The following DTNB variants were observed in gnomAD, a reference collection of about 807,000 sequenced individuals.
DTNB encodes the protein DTN-B.
In DTNB, 63 loss-of-function variants were observed where a neutral mutation model predicts 90.7. The ratio of observed to expected loss-of-function variants is 0.69; its 90% CI spans 0.57 to 0.86. The LOEUF is 0.86. Among genes scored for constraint, DTNB ranks in the 40% least tolerant of loss-of-function variants. The probability of loss-of-function intolerance (pLI) is 0.00; values close to 1 mark genes in which losing one functional copy is unlikely to be tolerated. For missense variants in DTNB, 744 were observed against 807.1 expected (o/e 0.92, Z 0.95); for synonymous variants, 277 against 286.7 (o/e 0.97, Z 0.34).
intron 9 of DTNB, among the ~76,000 whole-genome samples, chr2:25,503,908 C>G (rs1266174140): frequency 4.0e-5 from 6 of 150,658 alleles, no homozygotes; most frequent in African/African-American, 9.8e-5. Context: ...CACAGCAAGA[C>G]TCTGTCTCAA....
intron 8 of DTNB, among the ~76,000 whole-genome samples, chr2:25,540,281 G>A (rs1007738397): frequency 2.0e-5 from 3 of 152,052 alleles, no homozygotes; most frequent in Admixed American, 2.0e-4. Context: ...CCATAACTGC[G>A]TTCATTTCCC....
At chr2:25,576,113 T>C (rs1299862184) in intron 8 of DTNB, among the ~76,000 whole-genome samples, 1 of 152,184 alleles carries the variant, frequency 6.6e-6, no homozygotes, top group Non-Finnish European at 1.5e-5. Flanking sequence ...TCCTTGCACA[T>C]TTAAACCCTA....
At chr2:25,622,759 A>G (rs1347969985) in intron 4 of DTNB, among the ~76,000 whole-genome samples, 1 of 152,184 alleles carries the variant, frequency 6.6e-6, no homozygotes, top group African/African-American at 2.4e-5. Context: ...AAACAAAACA[A>G]AACAGAACAA....
chr2:25,634,645 T>C (rs1195888109), intron 3 of DTNB, among the ~76,000 whole-genome samples: 1 of 114,952 alleles, frequency 8.7e-6, no homozygotes, highest in Non-Finnish European at 2.1e-5. Context: ...GATTGAGAGG[T>C]TGGATGGTTG....
intron 10 of DTNB, among the ~76,000 whole-genome samples, chr2:25,459,377 T>C (rs192219086): frequency 1.3e-5 from 2 of 152,176 alleles, no homozygotes; most frequent in Non-Finnish European, 2.9e-5. Context: ...TGTAAGTCCA[T>C]CCATTGAATT....
chr2:25,494,741 T>C (rs1169012208), intron 9 of DTNB, among the ~76,000 whole-genome samples: 1 of 152,134 alleles, frequency 6.6e-6, no homozygotes, highest in East Asian at 1.9e-4. Flanking sequence ...ATAAAACCTC[T>C]TCCTTTATCC....
chr2:25,613,155 C>T (rs371415488), intron 4 of DTNB, among the ~76,000 whole-genome samples: 177 of 152,078 alleles, frequency 1.2e-3, no homozygotes, highest in African/African-American at 4.0e-3. Context: ...CATAATGTTG[C>T]CCAGGCTGGT....
chr2:25,401,047 C>T (rs2043588443), intron 16 of DTNB, among the ~76,000 whole-genome samples: 1 of 152,134 alleles, frequency 6.6e-6, no homozygotes, highest in Non-Finnish European at 1.5e-5. Context: ...TTTAGTCCAA[C>T]ATTCATTTTT....
At position 25,406,330 on chromosome 2, in the gene DTNB, C is replaced by T. The variant is rs2045154213; in HGVS notation, c.1575+13185G>A. On this transcript the variant is annotated intron_variant, in intron 16 of 20. Transcript: ENST00000406818. ...AAAGTTAAGGATGCTGCTAAACATC[C>T]TTAACAGCCTGACCAACATGGAGAA... Among the ~76,000 whole-genome samples, 6 of 151,900 alleles carry T rather than the reference C, an allele frequency of 3.9e-5. No homozygotes were observed. The South Asian group carries it at 1.2e-3, about 32-fold the overall frequency.
Position 25,633,856 on chromosome 2 carries a change from C to T in DTNB, c.148+5158G>A, listed in dbSNP as rs537222818. ...CTGGGATGTGAGGAGCGCCTCTACC[C>T]GGCCGCGACCCCGTCTGGGAGGTGA... On this transcript the variant is annotated intron_variant, in intron 3 of 20. Coordinates refer to ENST00000406818, the MANE Select transcript of DTNB (RefSeq NM_021907.5). Among the ~76,000 whole-genome samples the T allele has an allele frequency of 1.5e-4, 22 of 151,158 alleles. No homozygotes were observed. The South Asian group carries it at 4.6e-3, about 32-fold the overall frequency.
chr2:25,540,747 AC>A (rs1442280223), intron 8 of DTNB, among the ~76,000 whole-genome samples: 2 of 152,112 alleles, frequency 1.3e-5, no homozygotes, highest in African/African-American at 2.4e-5. Context: ...CTTACCCCCA[AC>A]CCTGTGCTCT....
intron 16 of DTNB, among the ~76,000 whole-genome samples, chr2:25,412,235 G>T (rs2046794471): frequency 6.6e-6 from 1 of 152,158 alleles, no homozygotes; most frequent in Non-Finnish European, 1.5e-5. Context: ...AGAAAGGGGG[G>T]CTTCCTGGAG....
At position 25,460,903 on chromosome 2, in the gene DTNB, T is replaced by TG. The variant is rs1209684552; in HGVS notation, c.1080-5410_1080-5409insC. Among the ~76,000 whole-genome samples the TG allele has an allele frequency of 1.8e-3, 79 of 45,104 alleles. 1 individual carries two copies. Among genetic ancestry groups the TG allele is most frequent in the Middle Eastern group, 0.028 (2 of 72 alleles). The allele number at this position is 45,104 out of a possible 152,430, so 29.6% of individuals were successfully genotyped here. The stretch of plus-strand genomic sequence containing the variant: ...AACTGAGGCCAAGAAAGGTTTTTTG[T>TG]TTTTTTTTTTTTGAGACGGAGTCTC... On this transcript the variant is annotated intron_variant, in intron 10 of 20. Transcript: ENST00000406818.
At chr2:25,423,564 G>A (rs1328546382) in intron 15 of DTNB, among the ~76,000 whole-genome samples, 1 of 152,162 alleles carries the variant, frequency 6.6e-6, no homozygotes, top group Non-Finnish European at 1.5e-5. Context: ...TGGCTTGATT[G>A]TCCATCTGAC....
At chr2:25,640,027 A>C (rs1332532544) in intron 2 of DTNB, among the ~76,000 whole-genome samples, 1 of 152,260 alleles carries the variant, frequency 6.6e-6, no homozygotes, top group African/African-American at 2.4e-5. Context: ...GGCATCATGA[A>C]GCAAAGTCAA....
chr2:25,549,916 C>G (rs550080894), intron 8 of DTNB, among the ~76,000 whole-genome samples: 42 of 152,214 alleles, frequency 2.8e-4, no homozygotes, highest in Non-Finnish European at 5.7e-4. Flanking sequence ...CTGCCTCACC[C>G]TCCCAAAGTG....
At chr2:25,590,018 G>A (rs757832521) in intron 6 of DTNB, among the ~76,000 whole-genome samples, 32 of 152,214 alleles carry the variant, frequency 2.1e-4, no homozygotes, top group Non-Finnish European at 3.5e-4. Context: ...GCACCAGCAC[G>A]GGCCCTGGCT....
At chr2:25,652,198 G>A (rs2081077326) in intron 2 of DTNB, among the ~76,000 whole-genome samples, 2 of 152,110 alleles carry the variant, frequency 1.3e-5, no homozygotes, top group South Asian at 2.1e-4. Flanking sequence ...TCTAGGTGTT[G>A]CCCTAACACT....
intron 9 of DTNB, among the ~76,000 whole-genome samples, chr2:25,500,191 G>C (rs2070189421): frequency 6.6e-6 from 1 of 152,160 alleles, no homozygotes; most frequent in Non-Finnish European, 1.5e-5. Context: ...GTGAGCCACT[G>C]TGCCAGGCCA....
Sources: gnomAD v4.1 joint callset for allele counts (sites outside exome capture counted in the v4.1 genomes callset) on GRCh38, gnomAD v4.1.1 for gene constraint, MANE v1.5 for transcripts, NCBI Gene and HGNC (gene_info 2026-07-23, HGNC 2026-07-21) for gene names.